Variants in MARCHF1 observed in about 807,000 individuals in gnomAD.
The protein encoded by MARCHF1 is E3 ubiquitin-protein ligase MARCHF1.
Under a neutral mutation model 54.2 loss-of-function variants are expected in MARCHF1, and 40 were observed. The ratio of observed to expected loss-of-function variants is 0.74; its 90% CI spans 0.57 to 0.96. The LOEUF is 0.96. MARCHF1 is among the 40% of genes least tolerant of loss of function. The pLI is 0.00. For synonymous variants in MARCHF1, 236 were observed against 236.3 expected, an observed-to-expected ratio of 1.00 and a Z score of 0.01; for missense variants, 586 against 656.5, an observed-to-expected ratio of 0.89 and a Z score of 1.17.
intron 8 of MARCHF1, among the ~76,000 whole-genome samples, chr4:163,547,278 C>T (rs1346325591): frequency 1.3e-5 from 2 of 152,340 alleles, no homozygotes; most frequent in Non-Finnish European, 2.9e-5. Context: ...AGAGAATAAC[C>T]ATTCTTCACT....
chr4:163,850,190 A>T (rs1749603922), intron 4 of MARCHF1, among the ~76,000 whole-genome samples: 1 of 152,060 alleles, frequency 6.6e-6, no homozygotes, highest in Non-Finnish European at 1.5e-5. Flanking sequence ...TTGCACCACC[A>T]CCACCCCAGA....
intron 4 of MARCHF1, among the ~76,000 whole-genome samples, chr4:163,790,752 A>G (rs1274684579): frequency 6.6e-6 from 1 of 152,036 alleles, no homozygotes; most frequent in Non-Finnish European, 1.5e-5. Context: ...GTGTCTTCTT[A>G]GGCATAAGTG....
At chr4:163,775,096 A>G (rs1475913820) in intron 4 of MARCHF1, among the ~76,000 whole-genome samples, 1 of 152,118 alleles carries the variant, frequency 6.6e-6, no homozygotes, top group African/African-American at 2.4e-5. Flanking sequence ...TCAGCTCAAC[A>G]CTGAACTTTC....
At chr4:164,279,741 G>A (rs974923510) in intron 1 of MARCHF1, among the ~76,000 whole-genome samples, 7 of 105,594 alleles carry the variant, frequency 6.6e-5, no homozygotes, top group African/African-American at 1.8e-4. Context: ...ACTGTGAAAT[G>A]TATGTGTAAA....
chr4:163,966,302 TA>T (rs987184313), intron 3 of MARCHF1, among the ~76,000 whole-genome samples: 32 of 151,570 alleles, frequency 2.1e-4, no homozygotes, highest in Non-Finnish European at 3.7e-4. Flanking sequence ...TCCCCACCAT[TA>T]AAAAAAACAG....
At chr4:163,767,664 C>T (rs555281732) in intron 4 of MARCHF1, among the ~76,000 whole-genome samples, 17 of 152,222 alleles carry the variant, frequency 1.1e-4, no homozygotes, top group Middle Eastern at 3.4e-3. Flanking sequence ...AGCAGAGACA[C>T]CAAAGTTGAT....
intron 4 of MARCHF1, among the ~76,000 whole-genome samples, chr4:163,816,781 C>T (rs1045703140): frequency 6.6e-6 from 1 of 152,122 alleles, no homozygotes; most frequent in African/African-American, 2.4e-5. Flanking sequence ...GATCACACTG[C>T]ACTACCTCCA....
intron 1 of MARCHF1, among the ~76,000 whole-genome samples, chr4:164,200,318 C>A (rs1446862416): frequency 2.6e-5 from 4 of 152,146 alleles, no homozygotes; most frequent in South Asian, 4.1e-4. Context: ...GAAGAAAAAT[C>A]AAGGATGGCG....
chr4:163,758,890 G>T (rs1746752651), intron 4 of MARCHF1, among the ~76,000 whole-genome samples: 1 of 151,948 alleles, frequency 6.6e-6, no homozygotes, highest in Non-Finnish European at 1.5e-5. Flanking sequence ...TTTGCAAATT[G>T]ATATTCACTT....
intron 1 of MARCHF1, among the ~76,000 whole-genome samples, chr4:164,297,115 T>G (rs924179332): frequency 3.3e-5 from 5 of 152,230 alleles, no homozygotes; most frequent in Admixed American, 2.6e-4. Context: ...TTTAGTACAG[T>G]GTATTGACTA....
chr4:164,182,441 T>C (rs1313485516), intron 1 of MARCHF1, among the ~76,000 whole-genome samples: 1 of 151,970 alleles, frequency 6.6e-6, no homozygotes, highest in Non-Finnish European at 1.5e-5. Flanking sequence ...AAACAAGGCA[T>C]ATTAGTAAGT....
chr4:163,935,726 T>C (rs2110734721), intron 3 of MARCHF1, among the ~76,000 whole-genome samples: 1 of 81,880 alleles, frequency 1.2e-5, no homozygotes, highest in African/African-American at 4.1e-5. Context: ...TTTTTTTTTA[T>C]TATACTTTAA....
At position 163,737,214 on chromosome 4, in the gene MARCHF1, AT is replaced by A. The variant is rs200485998; in HGVS notation, c.112-36352del. 9.9e-3 allele frequency among the ~76,000 whole-genome samples: 432 copies of A among 43,600 alleles called. 10 individuals are homozygous for A. The highest frequency in any genetic ancestry group is 0.022 in the African/African-American group (302 of 14,014). 28.6% of individuals were successfully genotyped at this position (43,600 alleles called of 152,430 possible). A position where few individuals can be genotyped will look rare whatever the true frequency, so the allele number is the denominator to read the frequency against. On this transcript the variant is annotated intron_variant, in intron 4 of 9. Transcript: ENST00000514618. ...TTAGTTTATTTATTTATTTTTTTTA[AT>A]TTTTTTTTTTTTTATTATACTCTAA... is the stretch of plus-strand genomic sequence containing the variant.
intron 2 of MARCHF1, among the ~76,000 whole-genome samples, chr4:164,009,769 T>C (rs4352430): frequency 0.95 from 144,236 of 152,124 alleles, 68,837 homozygotes; most frequent in East Asian, 1. Context: ...AAAAAAAAGC[T>C]CTCATTCAAT....
chr4:164,190,057 CAA>C, intron 1 of MARCHF1: 1 of 1,380,300 alleles, frequency 7.2e-7, no homozygotes, highest in South Asian at 1.2e-5. Flanking sequence ...ATTGATACTA[CAA>C]ATGAGCTGGA....
intron 4 of MARCHF1, among the ~76,000 whole-genome samples, chr4:163,847,394 T>C (rs1320944301): frequency 6.6e-6 from 1 of 152,110 alleles, no homozygotes; most frequent in Non-Finnish European, 1.5e-5. Flanking sequence ...GCAAAACATG[T>C]ATTATCAGTA....
intron 4 of MARCHF1, among the ~76,000 whole-genome samples, chr4:163,851,335 C>T (rs1749636425): frequency 6.6e-6 from 1 of 152,178 alleles, no homozygotes; most frequent in Non-Finnish European, 1.5e-5. Context: ...TTTATAATGT[C>T]TTTCCAGCAG....
intron 2 of MARCHF1, among the ~76,000 whole-genome samples, chr4:164,001,289 G>A (rs769123883): frequency 2.4e-4 from 36 of 151,732 alleles, no homozygotes; most frequent in Non-Finnish European, 5.2e-4. Context: ...GATTAGATAA[G>A]TGTAAAGCAC....
At chr4:163,663,181 C>A (rs1743407557) in intron 5 of MARCHF1, among the ~76,000 whole-genome samples, 1 of 151,196 alleles carries the variant, frequency 6.6e-6, no homozygotes. Flanking sequence ...ATATTTTTTC[C>A]TAGTGGATGC....
Sources: allele counts gnomAD v4.1 joint callset (sites outside exome capture counted in the v4.1 genomes callset), GRCh38; gene constraint gnomAD v4.1.1; transcripts MANE v1.5; gene names NCBI Gene and HGNC (gene_info 2026-07-23, HGNC 2026-07-21).